The following SCARB1 variants were observed in gnomAD, a reference collection of about 807,000 sequenced individuals.
SCARB1 encodes the protein scavenger receptor class B member 1.
Under a neutral mutation model 57.2 loss-of-function variants are expected in SCARB1, and 30 were observed. That is an observed-to-expected ratio of 0.52 (90% CI 0.39 to 0.71). SCARB1 has a LOEUF of 0.71. SCARB1 is among the 30% of genes least tolerant of loss of function. The pLI is 0.00. For synonymous variants in SCARB1, 249 were observed against 268.3 expected (o/e 0.93, Z 0.70); for missense variants, 543 against 671.2 (o/e 0.81, Z 2.11).
rs375871139 is a variant in SCARB1, at chr12:124,800,205, G to A, written c.1047C>T (p.Asn349=). 9 of 1,613,916 alleles carry A rather than the reference G, an allele frequency of 5.6e-6. No homozygotes were observed. The highest frequency in any genetic ancestry group is 2.2e-5 in the East Asian group (1 of 44,890). Residue 349 remains asparagine (N), a synonymous_variant, in exon 8 of 13, where the codon AAC becomes AAT. Transcript: ENST00000261693. The surrounding 1 kb of genome is among the most constrained non-coding windows in gnomAD (Gnocchi z 4.8). ...PLFLSHPHFL[N]ADPVLAEAVT... ...CCGCTTCTGCCAGAACCGGGTCAGC[G>A]TTGAGGAAGTGAGGATGGGAGAGAA...
chr12:124,858,788 A>T (rs942978834), intron 1 of SCARB1, among the ~76,000 whole-genome samples: 2 of 151,908 alleles, frequency 1.3e-5, no homozygotes, highest in Non-Finnish European at 2.9e-5. Flanking sequence ...CTGAGGCAGG[A>T]GAATGGCGTG....
intron 1 of SCARB1, chr12:124,821,337 G>A (rs1950950042): frequency 1.0e-6 from 1 of 983,288 alleles, no homozygotes; most frequent in African/African-American, 1.7e-5. Flanking sequence ...TTTCTCAGCA[G>A]AGGCTGCTGG....
Position 124,796,526 on chromosome 12 carries a change from T to C in SCARB1, c.1129-1258A>G, listed in dbSNP as rs866891635. Among the ~76,000 whole-genome samples the C allele has an allele frequency of 3.3e-5, 5 of 152,192 alleles. No individual in the cohort carries two copies. Among genetic ancestry groups the C allele is most frequent in the African/African-American group, 1.2e-4 (5 of 41,440 alleles). ...AAAACTAGATTTGAGGTCAGAGAAC[T>C]GCAGTTGGTTCTTCTTAACTGAGAG... On this transcript the variant is annotated intron_variant, in intron 8 of 12. Transcript: ENST00000261693. The surrounding 1 kb of genome is among the most constrained non-coding windows in gnomAD (Gnocchi z 4.0).
At chr12:124,849,906 A>C (rs1186842504) in intron 1 of SCARB1, among the ~76,000 whole-genome samples, 1 of 70,478 alleles carries the variant, frequency 1.4e-5, no homozygotes, top group Non-Finnish European at 3.3e-5. Context: ...TCTACAAAAA[A>C]TCTAAAAATT....
At chr12:124,820,301 C>T (rs1214165345) in intron 1 of SCARB1, among the ~76,000 whole-genome samples, 1 of 152,146 alleles carries the variant, frequency 6.6e-6, no homozygotes, top group Non-Finnish European at 1.5e-5. Context: ...TTATTACCCC[C>T]ATGTTACAGA....
chr12:124,836,236 C>A (rs1160273641), intron 1 of SCARB1, among the ~76,000 whole-genome samples: 1 of 152,188 alleles, frequency 6.6e-6, no homozygotes, highest in Non-Finnish European at 1.5e-5. Context: ...TTCACTGGCA[C>A]GCACTGGCAA....
At chr12:124,834,332 C>T (rs1257908373) in intron 1 of SCARB1, among the ~76,000 whole-genome samples, 3 of 152,200 alleles carry the variant, frequency 2.0e-5, no homozygotes, top group Admixed American at 6.5e-5. Flanking sequence ...CAGACGTCAC[C>T]GGTGCCAGTC....
Position 124,778,182 on chromosome 12 carries a change from A to C in SCARB1, c.*405T>G. 1 of 332,096 alleles carries C rather than the reference A, an allele frequency of 3.0e-6. No homozygotes were observed. Among genetic ancestry groups the C allele is most frequent in the Non-Finnish European group, 5.4e-6 (1 of 184,872 alleles). 20.6% of individuals were successfully genotyped at this position (332,096 alleles called of 1,614,324 possible). A position where few individuals can be genotyped will look rare whatever the true frequency, so the allele number is the denominator to read the frequency against. ...CTGCATGGGGAGCCACCACACCGGG[A>C]CTGCAGTGTTTCACCTTGGAGGGGA... is the stretch of plus-strand genomic sequence containing the variant. On this transcript the variant is annotated 3_prime_UTR_variant, in exon 13 of 13. Coordinates refer to ENST00000261693, the MANE Select transcript of SCARB1 (RefSeq NM_005505.5).
At chr12:124,834,509 C>T (rs1046813538) in intron 1 of SCARB1, among the ~76,000 whole-genome samples, 5 of 152,212 alleles carry the variant, frequency 3.3e-5, no homozygotes, top group Admixed American at 1.3e-4. Flanking sequence ...CCCTACAGAA[C>T]GACTTTTGGT....
At chr12:124,828,519 G>A (rs1440479957) in intron 1 of SCARB1, among the ~76,000 whole-genome samples, 3 of 152,188 alleles carry the variant, frequency 2.0e-5, no homozygotes, top group Non-Finnish European at 4.4e-5. Flanking sequence ...GAGCAGAATC[G>A]TCTGGACGAT....
chr12:124,780,329 A>C (rs1428852015), intron 12 of SCARB1, among the ~76,000 whole-genome samples: 1 of 152,222 alleles, frequency 6.6e-6, no homozygotes, highest in African/African-American at 2.4e-5. Context: ...AGCAGGCCTC[A>C]TCTGCCCAGA....
In SCARB1 at chr12:124,800,304, C is replaced by T; in HGVS notation, c.1010-62G>A. Reference sequence around the variant, plus strand: ...CAGTATATTGGCAGGTCCTGCCAGGCCGGAGGTCTGCACAGAGCTGTGGTC... The same window carrying T: ...CAGTATATTGGCAGGTCCTGCCAGGTCGGAGGTCTGCACAGAGCTGTGGTC... On this transcript the variant is annotated intron_variant, in intron 7 of 12. Transcript: ENST00000261693. The surrounding 1 kb of genome is among the most constrained non-coding windows in gnomAD (Gnocchi z 4.8). 7.8e-7 allele frequency: 1 copy of T among 1,289,926 alleles called. No individual in the cohort carries two copies. The highest frequency in any genetic ancestry group is 1.1e-6 in the Non-Finnish European group (1 of 893,088). The allele number at this position is 1,289,926 out of a possible 1,614,324, so 79.9% of individuals were successfully genotyped here.
At position 124,778,403 on chromosome 12, in the gene SCARB1, CATGT is replaced by C; in HGVS notation, c.*180_*183del. On this transcript the variant is annotated 3_prime_UTR_variant, in exon 13 of 13. Coordinates refer to ENST00000261693, the MANE Select transcript of SCARB1 (RefSeq NM_005505.5). ...CTGAGTGTCTGCACAAGCCTGCACG[CATGT>C]GTGTATGTGTGCCAGGGCGTGTGTG... The C allele has an allele frequency of 7.9e-7, 1 of 1,259,970 alleles. No homozygotes were observed. The highest frequency in any genetic ancestry group is 1.0e-6 in the Non-Finnish European group (1 of 999,808). 78.0% of individuals were successfully genotyped at this position (1,259,970 alleles called of 1,614,324 possible). A position where few individuals can be genotyped will look rare whatever the true frequency, so the allele number is the denominator to read the frequency against.
At chr12:124,790,568 C>T (rs1052123128) in intron 9 of SCARB1, among the ~76,000 whole-genome samples, 1 of 152,190 alleles carries the variant, frequency 6.6e-6, no homozygotes, top group Non-Finnish European at 1.5e-5. Flanking sequence ...AGACTCCCAA[C>T]ACTGCAAGAT....
Position 124,817,701 on chromosome 12 carries a change from G to A in SCARB1, c.133C>T (p.Arg45Cys), listed in dbSNP as rs368337422. The A allele has an allele frequency of 2.0e-5, 33 of 1,613,974 alleles. No individual in the cohort carries two copies. Among genetic ancestry groups the A allele is most frequent in the Admixed American group, 6.7e-5 (4 of 60,012 alleles). The change falls in exon 2 of 13, where the codon CGC becomes TGC. Residue 45 changes from arginine (R) to cysteine (C), a missense_variant. Coordinates refer to ENST00000261693, the MANE Select transcript of SCARB1 (RefSeq NM_005505.5). The surrounding 1 kb of genome is among the most constrained non-coding windows in gnomAD (Gnocchi z 4.8). ...LIKQQVLKNV[R>C]IDPSSLSFNM... ...AAGGACAGGCTACTGGGGTCGATGCGCACGTTCTGCAGGGGAAGGGACAAG... is the reference window on the plus strand; with the variant it reads ...AAGGACAGGCTACTGGGGTCGATGCACACGTTCTGCAGGGGAAGGGACAAG...
intron 2 of SCARB1, 60 bp from the exon 3 acceptor site, chr12:124,815,174 A>G (rs1950662609): frequency 1.3e-6 from 2 of 1,589,296 alleles, no homozygotes; most frequent in Admixed American, 3.3e-5. Flanking sequence ...TTTCCCTTCT[A>G]CTCGCCTGCA....
chr12:124,780,087 G>A (rs1170838992), intron 12 of SCARB1, among the ~76,000 whole-genome samples: 1 of 152,242 alleles, frequency 6.6e-6, no homozygotes, highest in Non-Finnish European at 1.5e-5. Flanking sequence ...AGGTGCCAGA[G>A]GGTGAAGCAG....
At chr12:124,845,109 G>A (rs1203713903) in intron 1 of SCARB1, among the ~76,000 whole-genome samples, 1 of 152,138 alleles carries the variant, frequency 6.6e-6, no homozygotes, top group Non-Finnish European at 1.5e-5. Flanking sequence ...GCTGAAGAGC[G>A]AGAGGGGTGA....
intron 7 of SCARB1, among the ~76,000 whole-genome samples, chr12:124,804,081 A>C (rs1950240878): frequency 6.6e-6 from 1 of 151,994 alleles, no homozygotes; most frequent in Admixed American, 6.5e-5. Context: ...CCCTACTTTC[A>C]GCCTTGTGCT....
Sources: allele counts gnomAD v4.1 joint callset (sites outside exome capture counted in the v4.1 genomes callset), GRCh38; gene constraint gnomAD v4.1.1; non-coding constraint Gnocchi (gnomAD v3.1); transcripts MANE v1.5; gene names NCBI Gene and HGNC (gene_info 2026-07-23, HGNC 2026-07-21).